Variants in ZMIZ1 observed in about 807,000 individuals in gnomAD.
ZMIZ1 encodes zinc finger MIZ-type containing 1.
A neutral mutation model predicts 113.9 loss-of-function variants in ZMIZ1; 17 were observed. The observed-to-expected ratio is 0.15, with a 90% CI of 0.10 to 0.22. The LOEUF is 0.22. Ranked by LOEUF, ZMIZ1 falls within the 10% of genes least tolerant of loss-of-function variation. ZMIZ1 has a pLI of 1.00. For synonymous variants in ZMIZ1, 607 were observed against 603.1 expected, an observed-to-expected ratio of 1.01 and a Z score of -0.09; for missense variants, 1,059 against 1,477.8, an observed-to-expected ratio of 0.72 and a Z score of 4.65.
chr10:79,219,168 G>C (rs77936468), intron 7 of ZMIZ1, among the ~76,000 whole-genome samples: 1 of 152,138 alleles, frequency 6.6e-6, no homozygotes, highest in African/African-American at 2.4e-5. Context: ...GGATATTTAA[G>C]AGGCAAAACT....
At chr10:79,284,106 A>G (rs747847605) in intron 8 of ZMIZ1, among the ~76,000 whole-genome samples, 2 of 152,246 alleles carry the variant, frequency 1.3e-5, no homozygotes, top group South Asian at 2.1e-4. Context: ...GTGTGTGTAG[A>G]TGCTGCCATA....
chr10:79,185,668 T>TGCA (rs1212052288), intron 4 of ZMIZ1, among the ~76,000 whole-genome samples: 1 of 152,192 alleles, frequency 6.6e-6, no homozygotes, highest in Non-Finnish European at 1.5e-5. Flanking sequence ...ATCCACAGAT[T>TGCA]TGCAGAGTTG....
chr10:79,227,088 A>G (rs192749684), intron 7 of ZMIZ1, among the ~76,000 whole-genome samples: 1 of 152,346 alleles, frequency 6.6e-6, no homozygotes, highest in African/African-American at 2.4e-5. Flanking sequence ...GGCCAAAAAG[A>G]GCCAAAATTG....
At chr10:79,245,761 A>C (rs1260534020) in intron 7 of ZMIZ1, among the ~76,000 whole-genome samples, 1 of 152,234 alleles carries the variant, frequency 6.6e-6, no homozygotes, top group Non-Finnish European at 1.5e-5. Context: ...CATTCAGTAC[A>C]GTAGCCACTG....
chr10:79,238,931 T>TCCTCTCTTGGGCC (rs1326610097), intron 7 of ZMIZ1, among the ~76,000 whole-genome samples: 1 of 152,126 alleles, frequency 6.6e-6, no homozygotes, highest in East Asian at 1.9e-4. Flanking sequence ...GAGGCCAGGA[T>TCCTCTCTTGGGCC]CCTGCTTGGG....
chr10:79,221,697 G>A lies in ZMIZ1; in HGVS notation c.280+5423G>A, dbSNP rs115651445. Among the ~76,000 whole-genome samples the A allele has an allele frequency of 6.8e-3, 1,031 of 152,364 alleles. 13 individuals are homozygous for A. Among genetic ancestry groups the A allele is most frequent in the African/African-American group, 0.024 (985 of 41,582 alleles). On this transcript the variant is annotated intron_variant, in intron 7 of 24. Coordinates refer to ENST00000334512, the MANE Select transcript of ZMIZ1 (RefSeq NM_020338.4). ...CGAGGTCCCCAAGAGCCTTCTGCCT[G>A]TCTCAGCTCCTGTCCATGCTTGAAG...
chr10:79,307,348 G>A, intron 22 of ZMIZ1, 57 bp from the exon 23 acceptor site: 1 of 1,532,548 alleles, frequency 6.5e-7, no homozygotes, highest in Non-Finnish European at 9.0e-7. Context: ...TGTTCCCTGG[G>A]GGTGGCCACT....
intron 7 of ZMIZ1, among the ~76,000 whole-genome samples, chr10:79,242,798 G>A (rs1849917429): frequency 6.6e-6 from 1 of 152,116 alleles, no homozygotes; most frequent in African/African-American, 2.4e-5. Context: ...GGGCCTCGTC[G>A]CCGCCCCCGC....
At chr10:79,112,597 C>T (rs1422399178) in intron 1 of ZMIZ1, among the ~76,000 whole-genome samples, 1 of 152,094 alleles carries the variant, frequency 6.6e-6, no homozygotes, top group Non-Finnish European at 1.5e-5. Context: ...AGGAGGGGAG[C>T]AGACGAGGCC....
At chr10:79,212,248 C>T (rs781222627) in intron 6 of ZMIZ1, among the ~76,000 whole-genome samples, 82 of 152,212 alleles carry the variant, frequency 5.4e-4, no homozygotes, top group Middle Eastern at 3.4e-3. Flanking sequence ...GCCTTGACCT[C>T]CTGGGCTTAA....
intron 8 of ZMIZ1, among the ~76,000 whole-genome samples, chr10:79,288,054 G>A (rs1458773542): frequency 6.6e-6 from 1 of 152,220 alleles, no homozygotes; most frequent in Non-Finnish European, 1.5e-5. Context: ...CGAGGGGCTG[G>A]CCAGGCTGAG....
At chr10:79,216,146 C>T (rs929007379) in intron 6 of ZMIZ1, 23 bp from the exon 7 acceptor site, 2 of 1,460,384 alleles carry the variant, frequency 1.4e-6, no homozygotes, top group Non-Finnish European at 1.8e-6. Context: ...GACTCACCTG[C>T]CCTCCTCCCC....
At chr10:79,145,767 G>T (rs1453716599) in intron 3 of ZMIZ1, among the ~76,000 whole-genome samples, 1 of 152,166 alleles carries the variant, frequency 6.6e-6, no homozygotes, top group Non-Finnish European at 1.5e-5. Flanking sequence ...ACCCAGGGTG[G>T]AGTGCAGTGG....
chr10:79,193,505 C>G (rs568420251), intron 4 of ZMIZ1, among the ~76,000 whole-genome samples: 1 of 152,138 alleles, frequency 6.6e-6, no homozygotes, highest in African/African-American at 2.4e-5. Flanking sequence ...TCATGTACAC[C>G]CAGCAATGGG....
chr10:79,223,311 C>G (rs1049651011), intron 7 of ZMIZ1, among the ~76,000 whole-genome samples: 15 of 152,260 alleles, frequency 9.9e-5, no homozygotes, highest in Non-Finnish European at 1.8e-4. Flanking sequence ...CCAGAGACAG[C>G]AGGCAGGCAG....
chr10:79,099,526 C>A (rs1447481977), intron 1 of ZMIZ1, among the ~76,000 whole-genome samples: 2 of 152,198 alleles, frequency 1.3e-5, no homozygotes, highest in Non-Finnish European at 2.9e-5. Flanking sequence ...GACAGAGGGG[C>A]CTGTGCTGCA....
chr10:79,304,640 C>G (rs764211243), intron 19 of ZMIZ1, among the ~76,000 whole-genome samples: 8 of 152,206 alleles, frequency 5.3e-5, no homozygotes, highest in Non-Finnish European at 8.8e-5. Flanking sequence ...CTTCTGGAAC[C>G]TGGGTGTGGT....
intron 10 of ZMIZ1, among the ~76,000 whole-genome samples, chr10:79,291,855 C>T: frequency 6.6e-6 from 1 of 152,200 alleles, no homozygotes; most frequent in Non-Finnish European, 1.5e-5. Flanking sequence ...GCAGCTCCGC[C>T]ATCAATGCTG....
intron 4 of ZMIZ1, among the ~76,000 whole-genome samples, chr10:79,193,405 C>T (rs758818186): frequency 6.6e-6 from 1 of 152,162 alleles, no homozygotes; most frequent in Non-Finnish European, 1.5e-5. Context: ...CTTTGGGAAC[C>T]CTCAACGGGG....
Sources: allele counts gnomAD v4.1 joint callset (sites outside exome capture counted in the v4.1 genomes callset), GRCh38; gene constraint gnomAD v4.1.1; transcripts MANE v1.5; gene names NCBI Gene and HGNC (gene_info 2026-07-23, HGNC 2026-07-21).